Variants in ASCC2 observed in about 807,000 individuals in gnomAD.
ASCC2 encodes the protein activating signal cointegrator 1 complex subunit 2.
Under a neutral mutation model 93.5 loss-of-function variants are expected in ASCC2, and 42 were observed. That is an observed-to-expected ratio of 0.45 (90% confidence interval 0.35 to 0.58). The LOEUF (loss-of-function observed/expected upper bound fraction) is 0.58, where lower values mean the gene tolerates loss of function less well. ASCC2 is among the 20% of genes least tolerant of loss of function. ASCC2 has a pLI of 0.00. For missense variants in ASCC2, 859 were observed against 977.6 expected (o/e 0.88, Z 1.62); for synonymous variants, 364 against 384.2 (o/e 0.95, Z 0.62).
chr22:29,803,397 C>T (rs1156626607), intron 13 of ASCC2, among the ~76,000 whole-genome samples: 1 of 152,108 alleles, frequency 6.6e-6, no homozygotes, highest in African/African-American at 2.4e-5. Flanking sequence ...CCTCTCTGAA[C>T]CTCAGTTTCC....
At chr22:29,819,736 G>C (rs552328721) in intron 5 of ASCC2, among the ~76,000 whole-genome samples, 8 of 152,242 alleles carry the variant, frequency 5.3e-5, no homozygotes, top group African/African-American at 1.4e-4. Context: ...CCCGTCTCCT[G>C]CTGCTGCCCT....
chr22:29,838,006 C>T (rs1233652941), intron 1 of ASCC2, among the ~76,000 whole-genome samples, 172 bp downstream of exon 1: 1 of 152,246 alleles, frequency 6.6e-6, no homozygotes, highest in Admixed American at 6.5e-5. Flanking sequence ...ACCCGTGGCT[C>T]CTGACCCTGG....
intron 1 of ASCC2, chr22:29,834,336 T>C (rs1602310743): frequency 2.8e-6 from 1 of 362,842 alleles, no homozygotes; most frequent in Non-Finnish European, 5.6e-6. Context: ...GGAAGAAGGG[T>C]GCCCCAGGCA....
intron 2 of ASCC2, among the ~76,000 whole-genome samples, chr22:29,831,497 C>T (rs139791353): frequency 1.8e-4 from 27 of 152,296 alleles, no homozygotes; most frequent in African/African-American, 6.3e-4. Context: ...TTATTAGAGA[C>T]TATTTAAGAA....
At chr22:29,806,090 G>A (rs12159277) in intron 12 of ASCC2, 126 bp downstream of exon 12, 76,732 of 1,037,740 alleles carry the variant, frequency 0.074, 4,629 homozygotes, top group African/African-American at 0.28. Context: ...GGCCACCTCG[G>A]ACAGCTGGCT....
At position 29,825,066 on chromosome 22, in the gene ASCC2, G is replaced by C; in HGVS notation, c.411+21C>G. 1.4e-6 allele frequency: 2 copies of C among 1,440,552 alleles called. No individual in the cohort carries two copies. Among genetic ancestry groups the C allele is most frequent in the Non-Finnish European group, 1.8e-6 (2 of 1,087,122 alleles). 89.2% of individuals were successfully genotyped at this position (1,440,552 alleles called of 1,614,324 possible). A position where few individuals can be genotyped will look rare whatever the true frequency, so the allele number is the denominator to read the frequency against. On this transcript the variant is annotated intron_variant, in intron 4 of 19. Transcript: ENST00000307790. This position sits in a 1 kb window ranked among gnomAD's most constrained non-coding sequence, Gnocchi z 4.9. ...GGTGTCGAGTATCGGGTGATGACCT[G>C]TCATGGGATCAGTGGCTTACTTTGG...
chr22:29,825,136 C>T lies in ASCC2; in HGVS notation c.362G>A (p.Arg121Gln), dbSNP rs139993389. Reference sequence around the variant, plus strand: ...GCGGAGGAAGGTGAGAAAAACACTTCGATGGAGGCGCTTCTGCATGTCAAC... The same window carrying T: ...GCGGAGGAAGGTGAGAAAAACACTTTGATGGAGGCGCTTCTGCATGTCAAC... ...EVVDMQKRLH[R>Q]SVFLTFLRMS... The change falls in exon 4 of 20, where the codon CGA becomes CAA. Residue 121 changes from arginine to glutamine, a missense_variant. Physicochemically the swap from Arg to Gln is conservative, Grantham distance 43. Coordinates refer to ENST00000307790, the MANE Select transcript of ASCC2 (RefSeq NM_032204.5). The surrounding 1 kb of genome is among the most constrained non-coding windows in gnomAD (Gnocchi z 4.9). The T allele has an allele frequency of 1.2e-4, 191 of 1,540,812 alleles. No homozygotes were observed. The African/African-American group carries it at 2.1e-3, about 17-fold the overall frequency.
intron 18 of ASCC2, 150 bp from the exon 19 acceptor site, chr22:29,790,698 G>T: frequency 2.5e-6 from 2 of 788,962 alleles, no homozygotes; most frequent in Admixed American, 2.2e-5. Flanking sequence ...CCCAGGAATG[G>T]AGTGGGATTA....
chr22:29,802,368 G>A (rs1165879413), intron 13 of ASCC2, among the ~76,000 whole-genome samples, 160 bp from the exon 14 acceptor site: 3 of 152,178 alleles, frequency 2.0e-5, no homozygotes, highest in African/African-American at 7.2e-5. Flanking sequence ...AAGTCTCTCT[G>A]AGCCTCCATT....
chr22:29,808,044 G>C (rs963142696), intron 9 of ASCC2, 67 bp downstream of exon 9: 2 of 1,531,222 alleles, frequency 1.3e-6, no homozygotes, highest in African/African-American at 2.7e-5. Context: ...TAATGCCCAG[G>C]GAAGGCAGGG....
At chr22:29,823,426 G>A (rs73161074) in intron 4 of ASCC2, among the ~76,000 whole-genome samples, 19,698 of 152,238 alleles carry the variant, frequency 0.13, 1,489 homozygotes, top group South Asian at 0.24. Flanking sequence ...AAATTAGTAT[G>A]ATATCTAGGA....
At chr22:29,805,539 G>A (rs1338600471) in intron 12 of ASCC2, among the ~76,000 whole-genome samples, 9 of 152,008 alleles carry the variant, frequency 5.9e-5, no homozygotes, top group Non-Finnish European at 1.2e-4. Flanking sequence ...AACCTTCCGC[G>A]CTCCCCAGCG....
intron 7 of ASCC2, among the ~76,000 whole-genome samples, 166 bp from the exon 8 acceptor site, chr22:29,813,708 A>G (rs1410158560): frequency 6.6e-6 from 1 of 152,222 alleles, no homozygotes; most frequent in Non-Finnish European, 1.5e-5. Context: ...GTCCATCTTC[A>G]GGAGCACGAT....
At position 29,816,034 on chromosome 22, in the gene ASCC2, A is replaced by G; in HGVS notation, c.581T>C (p.Leu194Pro). 1 of 1,599,094 alleles carries G rather than the reference A, an allele frequency of 6.3e-7. No homozygotes were observed. Among genetic ancestry groups the G allele is most frequent in the Admixed American group, 1.7e-5 (1 of 57,880 alleles). ...AAGGATGGTAGGCAGGGTTTCATCC[A>G]GGTCACTGTAGTAACTTGGCTGCTG... ...FTQQPSYYSD[L>P]DETLPTILQV... Residue 194 changes from leucine to proline, a missense_variant, in exon 6 of 20, where the codon CTG becomes CCG. By Grantham distance (98) the Leu-to-Pro change is moderately conservative. Coordinates refer to ENST00000307790, the MANE Select transcript of ASCC2 (RefSeq NM_032204.5).
chr22:29,793,513 C>T, intron 16 of ASCC2, 23 bp from the exon 17 acceptor site: 1 of 1,614,078 alleles, frequency 6.2e-7, no homozygotes, highest in African/African-American at 1.3e-5. Context: ...AAGCATGGGT[C>T]TGGGGGGCTC....
rs138846881 is a variant in ASCC2, at chr22:29,802,149, G to A, written c.1413C>T (p.Leu471=). Residue 471 remains leucine, a synonymous_variant, in exon 14 of 20, where the codon CTC becomes CTT. Transcript: ENST00000307790. ...GCAGCAGGTCCTTCACTTGGGAGAT[G>A]AGAGAGTCCAGTTCCACCCCACACA... ...PAMCGVELDS[L]ISQVKDLLPD... 3 of 1,614,100 alleles carry A rather than the reference G, an allele frequency of 1.9e-6. No homozygotes were observed. The highest frequency in any genetic ancestry group is 2.7e-5 in the African/African-American group (2 of 74,934).
At chr22:29,827,591 A>G (rs1427923065) in intron 2 of ASCC2, 2 of 471,006 alleles carry the variant, frequency 4.2e-6, no homozygotes. Context: ...ATGGAGTTAC[A>G]GGTACAAATC....
chr22:29,823,934 T>A (rs1453867757), intron 4 of ASCC2, among the ~76,000 whole-genome samples: 1 of 152,050 alleles, frequency 6.6e-6, no homozygotes, highest in Non-Finnish European at 1.5e-5. Flanking sequence ...CTAGTGCCTA[T>A]AATCCCAGCT....
Position 29,793,435 on chromosome 22 carries a change from T to C in ASCC2, c.1844A>G (p.Glu615Gly). Residue 615 changes from glutamate (E) to glycine (G), a missense_variant, in exon 17 of 20, where the codon GAG (glutamate) becomes GGG (glycine). Transcript: ENST00000307790. ...LPYHSVYYED[E>G]YDDTYDGNQV... ...GTTGCCATCGTATGTGTCATCGTAC[T>C]CATCCTCGTAGTAGACACTGTGGTA... 1 of 1,614,178 alleles carries C rather than the reference T, an allele frequency of 6.2e-7. No homozygotes were observed. The highest frequency in any genetic ancestry group is 1.1e-5 in the South Asian group (1 of 91,086).
Sources: allele counts gnomAD v4.1 joint callset (sites outside exome capture counted in the v4.1 genomes callset), GRCh38; gene constraint gnomAD v4.1.1; non-coding constraint Gnocchi (gnomAD v3.1); transcripts MANE v1.5; gene names NCBI Gene and HGNC (gene_info 2026-07-23, HGNC 2026-07-21).